Variants in FGF5 observed in about 807,000 individuals in gnomAD.
The protein encoded by FGF5 is heparin-binding growth factor 5.
FGF5 carries 23 observed loss-of-function variants against 21.8 expected under a neutral mutation model. That is an observed-to-expected ratio of 1.05 (90% CI 0.76 to 1.49). The LOEUF (loss-of-function observed/expected upper bound fraction) is 1.49, where lower values mean the gene tolerates loss of function less well. Among genes scored for constraint, FGF5 ranks in the 40% most tolerant of loss-of-function variants. The probability of loss-of-function intolerance (pLI) is 0.00; values close to 1 mark genes in which losing one functional copy is unlikely to be tolerated. For missense variants in FGF5, 352 were observed against 332.9 expected (o/e 1.06, Z -0.45); for synonymous variants, 158 against 124.0 (o/e 1.27, Z -1.82).
chr4:80,277,194 A>C (rs1720437291), intron 2 of FGF5, among the ~76,000 whole-genome samples: 1 of 152,154 alleles, frequency 6.6e-6, no homozygotes, highest in Non-Finnish European at 1.5e-5. Flanking sequence ...CAAAAACAGC[A>C]TCTGTTATTC....
chr4:80,285,085 A>G (rs1356043355), intron 2 of FGF5, among the ~76,000 whole-genome samples: 2 of 152,180 alleles, frequency 1.3e-5, no homozygotes, highest in Middle Eastern at 3.2e-3. Context: ...GATTCTCATA[A>G]CAGCCCTATT....
In FGF5 at chr4:80,288,588, AG is replaced by A. The variant is rs1720806325; in HGVS notation, c.*1917del. ...ATATGACCCTGTTTACACAGCCTAA[AG>A]CTAAAAATATTACTCTAGTTTATTC... On this transcript the variant is annotated 3_prime_UTR_variant, in exon 3 of 3. Transcript: ENST00000312465. The A allele has an allele frequency of 6.6e-6, 1 of 152,246 alleles. No individual in the cohort carries two copies. Among genetic ancestry groups the A allele is most frequent in the Non-Finnish European group, 1.5e-5 (1 of 68,018 alleles). The allele number at this position is 152,246 out of a possible 1,614,324, so 9.4% of individuals were successfully genotyped here.
chr4:80,286,239 G>GTT, intron 2 of FGF5, 86 bp from the exon 3 acceptor site: 24 of 877,310 alleles, frequency 2.7e-5, no homozygotes, highest in South Asian at 6.7e-5. Flanking sequence ...CAAAATTATT[G>GTT]TTTTTTTTTC....
At chr4:80,276,845 C>T (rs1720426616) in intron 2 of FGF5, among the ~76,000 whole-genome samples, 1 of 151,420 alleles carries the variant, frequency 6.6e-6, no homozygotes, top group African/African-American at 2.4e-5. Context: ...CCTCAGTCTA[C>T]TTTAAGTTTA....
At chr4:80,273,017 A>T (rs1313905090) in intron 1 of FGF5, among the ~76,000 whole-genome samples, 1 of 152,068 alleles carries the variant, frequency 6.6e-6, no homozygotes, top group African/African-American at 2.4e-5. Flanking sequence ...TGTGTAGAGT[A>T]ACTTTACAAA....
At chr4:80,269,718 C>T (rs1720214992) in intron 1 of FGF5, among the ~76,000 whole-genome samples, 1 of 151,952 alleles carries the variant, frequency 6.6e-6, no homozygotes, top group African/African-American at 2.4e-5. Context: ...AAATCATGTA[C>T]CCAATATAAG....
chr4:80,278,981 C>T (rs17004866), intron 2 of FGF5, among the ~76,000 whole-genome samples: 6,681 of 152,256 alleles, frequency 0.044, 276 homozygotes, highest in East Asian at 0.17. Context: ...CAACACATTC[C>T]CATGCTAAGA....
chr4:80,270,164 A>G (rs1720228457), intron 1 of FGF5, among the ~76,000 whole-genome samples: 1 of 152,190 alleles, frequency 6.6e-6, no homozygotes. Context: ...GTTTGATCTC[A>G]TCTTCTATTT....
In FGF5 at chr4:80,289,534, A is replaced by G. The variant is rs1435104212; in HGVS notation, c.*2862A>G. The stretch of plus-strand genomic sequence containing the variant: ...AATAACTTTTATATTAATATTTAGG[A>G]GTCTATTTTGTCTATAGGTGACAAA... On this transcript the variant is annotated 3_prime_UTR_variant, in exon 3 of 3. Transcript: ENST00000312465. The G allele has an allele frequency of 2.0e-5, 3 of 152,120 alleles. No homozygotes were observed. The highest frequency in any genetic ancestry group is 7.2e-5 in the African/African-American group (3 of 41,414). 9.4% of individuals were successfully genotyped at this position (152,120 alleles called of 1,614,324 possible).
Position 80,274,977 on chromosome 4 carries a change from T to A in FGF5, c.424T>A (p.Leu142Ile). The A allele has an allele frequency of 6.3e-7, 1 of 1,593,404 alleles. No homozygotes were observed. The highest frequency in any genetic ancestry group is 8.6e-7 in the Non-Finnish European group (1 of 1,164,998). The change falls in exon 2 of 3, where the codon TTA (leucine) becomes ATA (isoleucine). Residue 142 changes from leucine to isoleucine, a missense_variant. By Grantham distance (5) the Leu-to-Ile change is conservative. Coordinates refer to ENST00000312465, the MANE Select transcript of FGF5 (RefSeq NM_004464.4). ...ACGAGGAGTTTTCAGCAACAAATTT[T>A]TAGCGATGTCAAAAAAAGGAAAACT... ...GIRGVFSNKF[L>I]AMSKKGKLHA... is the part of the protein sequence containing the mutation.
Position 80,286,784 on chromosome 4 carries a change from T to C in FGF5, c.*112T>C, listed in dbSNP as rs539936574. ...CACAGCTTCAGCTATACTTACACTG[T>C]ATTGAAGTCACGTCATTTGTTTCAA... is the stretch of plus-strand genomic sequence containing the variant. On this transcript the variant is annotated 3_prime_UTR_variant, in exon 3 of 3. Transcript: ENST00000312465. 2 of 752,034 alleles carry C rather than the reference T, an allele frequency of 2.7e-6. No homozygotes were observed. Among genetic ancestry groups the C allele is most frequent in the African/African-American group, 1.8e-5 (1 of 56,554 alleles). 46.6% of individuals were successfully genotyped at this position (752,034 alleles called of 1,614,324 possible). A position where few individuals can be genotyped will look rare whatever the true frequency, so the allele number is the denominator to read the frequency against.
Position 80,266,681 on chromosome 4 carries a change from C to A in FGF5, c.-144C>A. 1.4e-6 allele frequency: 1 copy of A among 703,518 alleles called. No individual in the cohort carries two copies. Among genetic ancestry groups the A allele is most frequent in the East Asian group, 2.7e-5 (1 of 37,092 alleles). 43.6% of individuals were successfully genotyped at this position (703,518 alleles called of 1,614,324 possible). A position where few individuals can be genotyped will look rare whatever the true frequency, so the allele number is the denominator to read the frequency against. ...GGAGATCCGCTCGGGTGGCCTCTCT[C>A]TTCCCCTCTCCCCTTCTCTTCCCCG... On this transcript the variant is annotated 5_prime_UTR_variant, in exon 1 of 3. Transcript: ENST00000312465.
Position 80,288,319 on chromosome 4 carries a change from A to G in FGF5, c.*1647A>G, listed in dbSNP as rs904019244. On this transcript the variant is annotated 3_prime_UTR_variant, in exon 3 of 3. Transcript: ENST00000312465. ...AATTTGATGGGAAAATAGTACACAC[A>G]TATATATAACAAATAATATATTAAA... is the stretch of plus-strand genomic sequence containing the variant. 3.9e-5 allele frequency: 6 copies of G among 152,326 alleles called. No individual in the cohort carries two copies. The South Asian group carries it at 1.2e-3, about 32-fold the overall frequency. The allele number at this position is 152,326 out of a possible 1,614,324, so 9.4% of individuals were successfully genotyped here. A position where few individuals can be genotyped will look rare whatever the true frequency, so the allele number is the denominator to read the frequency against.
rs562192078 is a variant in FGF5 at position 80,266,925 on chromosome 4, C to A, written c.101C>A (p.Pro34His). 2.6e-5 allele frequency: 42 copies of A among 1,614,136 alleles called. No individual in the cohort carries two copies. Among genetic ancestry groups the A allele is most frequent in the South Asian group, 2.4e-4 (22 of 91,090 alleles). The change falls in exon 1 of 3, where the codon CCC (proline) becomes CAC (histidine). Residue 34 changes from proline to histidine, a missense_variant. Coordinates refer to ENST00000312465, the MANE Select transcript of FGF5 (RefSeq NM_004464.4). ...CTCGCCCCCAAAGGGCAACCCGGAC[C>A]CGCTGCCACTGATAGGAACCCTAGA... ...KRLAPKGQPG[P>H]AATDRNPRGS...
chr4:80,281,878 G>A (rs1720563308), intron 2 of FGF5, among the ~76,000 whole-genome samples: 1 of 152,062 alleles, frequency 6.6e-6, no homozygotes, highest in African/African-American at 2.4e-5. Flanking sequence ...AATTCAATTT[G>A]ACCGTTCAAA....
chr4:80,269,163 C>T (rs1334392686), intron 1 of FGF5, among the ~76,000 whole-genome samples: 1 of 152,094 alleles, frequency 6.6e-6, no homozygotes, highest in Non-Finnish European at 1.5e-5. Flanking sequence ...TGACTGTGCG[C>T]GCTGCTGTCT....
chr4:80,284,994 C>T (rs1473223256), intron 2 of FGF5, among the ~76,000 whole-genome samples: 4 of 152,122 alleles, frequency 2.6e-5, no homozygotes, highest in African/African-American at 9.7e-5. Context: ...ACCTGGTAGT[C>T]TTAACTAGTA....
chr4:80,276,304 C>T (rs992256079), intron 2 of FGF5, among the ~76,000 whole-genome samples: 1 of 151,758 alleles, frequency 6.6e-6, no homozygotes, highest in African/African-American at 2.4e-5. Context: ...AATGGAAATC[C>T]TTTGTTAAAC....
chr4:80,282,151 A>G (rs1019057538), intron 2 of FGF5, among the ~76,000 whole-genome samples: 5 of 152,082 alleles, frequency 3.3e-5, no homozygotes, highest in Non-Finnish European at 5.9e-5. Context: ...TAGTACAGAC[A>G]GGGTTTCACC....
Sources: allele counts gnomAD v4.1 joint callset (sites outside exome capture counted in the v4.1 genomes callset), GRCh38; gene constraint gnomAD v4.1.1; transcripts MANE v1.5; gene names NCBI Gene and HGNC (gene_info 2026-07-23, HGNC 2026-07-21).